The following CLUH variants were observed in gnomAD, a reference collection of about 807,000 sequenced individuals.
The protein encoded by CLUH is CLUH binding protein of NUMT mRNA.
Under a neutral mutation model 139.3 loss-of-function variants are expected in CLUH, and 77 were observed. The ratio of observed to expected loss-of-function variants is 0.55; its 90% CI spans 0.46 to 0.67. The LOEUF (loss-of-function observed/expected upper bound fraction) is 0.67, where lower values mean the gene tolerates loss of function less well. Among genes scored for constraint, CLUH ranks in the 30% least tolerant of loss-of-function variants. CLUH has a pLI of 0.00. For missense variants in CLUH, 1,876 were observed against 1,875.8 expected, an observed-to-expected ratio of 1.00 and a Z score of 0.00; for synonymous variants, 999 against 801.6, an observed-to-expected ratio of 1.25 and a Z score of -4.16.
Position 2,703,605 on chromosome 17 carries a change from C to T in CLUH, c.304-116G>A. 1 of 994,624 alleles carries T rather than the reference C, an allele frequency of 1.0e-6. No individual in the cohort carries two copies. Among genetic ancestry groups the T allele is most frequent in the Non-Finnish European group, 1.5e-6 (1 of 672,280 alleles). 61.6% of individuals were successfully genotyped at this position (994,624 alleles called of 1,614,324 possible). A position where few individuals can be genotyped will look rare whatever the true frequency, so the allele number is the denominator to read the frequency against. ...ACAGCAAGGACAATATCCCCTTGTC[C>T]CCAGCCCAAAGTACCTTGGTCCCCA... On this transcript the variant is annotated intron_variant, in intron 2 of 25. Transcript: ENST00000651024. This position sits in a 1 kb window ranked among gnomAD's most constrained non-coding sequence, Gnocchi z 4.2.
At chr17:2,695,861 G>T (rs1041843593) in intron 13 of CLUH, 34 of 547,996 alleles carry the variant, frequency 6.2e-5, no homozygotes, top group Non-Finnish European at 1.1e-4. Context: ...GAGCCTGCGG[G>T]AGGAGGAGGA....
chr17:2,698,417 G>T lies in CLUH; in HGVS notation c.1440C>A (p.Asp480Glu). Residue 480 changes from aspartate (D) to glutamate (E), a missense_variant, in exon 10 of 26, where the codon GAC becomes GAA. Coordinates refer to ENST00000651024, the MANE Select transcript of CLUH (RefSeq NM_001366661.1). ...TGGTGGGCGCCACGTAGGCCGCCAC[G>T]TCCCCCCCGAAGTCCTTGTAGTGGT... Reference protein sequence around the residue: ...VRDHYKDFGGDVAAYVAPTND... With the variant: ...VRDHYKDFGGEVAAYVAPTND... 1 of 1,613,306 alleles carries T rather than the reference G, an allele frequency of 6.2e-7. No individual in the cohort carries two copies. Among genetic ancestry groups the T allele is most frequent in the Non-Finnish European group, 8.5e-7 (1 of 1,179,806 alleles).
At chr17:2,694,717 C>T (rs2151699420) in intron 16 of CLUH, 140 bp downstream of exon 16, 8 of 1,361,454 alleles carry the variant, frequency 5.9e-6, no homozygotes, top group Non-Finnish European at 7.9e-6. Context: ...CCTCCAGCAC[C>T]CAGTGATCTC....
At position 2,690,665 on chromosome 17, in the gene CLUH, C is replaced by G. The variant is rs528743275; in HGVS notation, c.3976G>C (p.Ala1326Pro). Residue 1326 changes from alanine to proline, a missense_variant, in exon 26 of 26, where the codon GCG becomes CCG. This residue lies in a region of CLUH where 1,454 missense variants were observed against 1,384.4 expected (regional missense o/e 1.05). Transcript: ENST00000651024. ...GAGCCCAGGTCTCCTGGGGCCCCCG[C>G]TGGCGCGGGCTCGGTAGCCATGGGC... is the stretch of plus-strand genomic sequence containing the variant. The part of the protein sequence containing the change: ...EEPMATEPAP[A>P]GAPGDLGSQP... 1.9e-6 allele frequency: 3 copies of G among 1,547,824 alleles called. No homozygotes were observed. The highest frequency in any genetic ancestry group is 1.7e-6 in the Non-Finnish European group (2 of 1,154,174).
chr17:2,700,560 A>G, intron 8 of CLUH, 86 bp from the exon 9 acceptor site: 1 of 1,550,952 alleles, frequency 6.4e-7, no homozygotes, highest in Non-Finnish European at 8.7e-7. Flanking sequence ...CCTTCCTGAG[A>G]AGAGCCCCAG....
At chr17:2,709,754 G>A (rs1028442701) in intron 1 of CLUH, among the ~76,000 whole-genome samples, 3 of 152,168 alleles carry the variant, frequency 2.0e-5, no homozygotes, top group African/African-American at 7.2e-5. Context: ...CCTTGGTTCT[G>A]ATGCTCAGGT....
Position 2,703,535 on chromosome 17 carries a change from G to T in CLUH, c.304-46C>A, listed in dbSNP as rs747203767. The T allele has an allele frequency of 2.5e-6, 4 of 1,588,508 alleles. No homozygotes were observed. The highest frequency in any genetic ancestry group is 1.1e-5 in the South Asian group (1 of 89,380). On this transcript the variant is annotated intron_variant, in intron 2 of 25. Coordinates refer to ENST00000651024, the MANE Select transcript of CLUH (RefSeq NM_001366661.1). This position sits in a 1 kb window ranked among gnomAD's most constrained non-coding sequence, Gnocchi z 4.2. ...CCACCCCGGTGAGAGAGCACGTAGC[G>T]GGGAGAGAAGGCCCCAACCGCCCCG... is the stretch of plus-strand genomic sequence containing the variant.
chr17:2,705,488 C>T (rs141848675), intron 1 of CLUH, among the ~76,000 whole-genome samples: 92 of 152,156 alleles, frequency 6.0e-4, no homozygotes, highest in African/African-American at 2.0e-3. Flanking sequence ...GCCCTCCCAC[C>T]GCCCTCCCAC....
chr17:2,700,000 A>G lies in CLUH; in HGVS notation c.1266+382T>C, dbSNP rs565633172. The stretch of plus-strand genomic sequence containing the variant: ...AGTAACCCAGCACTAATAACTTTTA[A>G]ACCCCAGCAAACTAAAAGTGTTATG... On this transcript the variant is annotated intron_variant, in intron 9 of 25. Coordinates refer to ENST00000651024, the MANE Select transcript of CLUH (RefSeq NM_001366661.1). Among the ~76,000 whole-genome samples the G allele has an allele frequency of 7.9e-5, 12 of 152,298 alleles. No individual in the cohort carries two copies. In the East Asian group the frequency reaches 2.1e-3, roughly 27 times the overall value.
rs368274493 is a variant in CLUH at position 2,696,710 on chromosome 17, C to T, written c.2185+9G>A. On this transcript the variant is annotated intron_variant, in intron 11 of 25. Coordinates refer to ENST00000651024, the MANE Select transcript of CLUH (RefSeq NM_001366661.1). The stretch of plus-strand genomic sequence containing the variant: ...CGGGCTCTCTCCCGGCCATCTGCAG[C>T]AGCCCCACCTGTGCCGTCGTCTGCG... 27 of 1,610,886 alleles carry T rather than the reference C, an allele frequency of 1.7e-5. No individual in the cohort carries two copies. The East Asian group carries it at 2.5e-4, about 15-fold the overall frequency.
At chr17:2,699,872 C>T (rs1322124799) in intron 9 of CLUH, among the ~76,000 whole-genome samples, 5 of 151,528 alleles carry the variant, frequency 3.3e-5, no homozygotes, top group Non-Finnish European at 7.4e-5. Context: ...CCTTGTGATC[C>T]GCCCGCCTCG....
Position 2,695,414 on chromosome 17 carries a change from ACCAGCT to A in CLUH, c.2498_2503del (p.Glu833_Leu834del). The A allele has an allele frequency of 6.2e-7, 1 of 1,612,696 alleles. No individual in the cohort carries two copies. The highest frequency in any genetic ancestry group is 8.5e-7 in the Non-Finnish European group (1 of 1,179,754). ...CTGGTGGCGGGCCGGGCTCCGCAGC[ACCAGCT>A]CCAGCACCTTGCCCAGGTAGCGCAT... On this transcript the variant is annotated inframe_deletion, in exon 14 of 26. Transcript: ENST00000651024.
At position 2,697,989 on chromosome 17, in the gene CLUH, G is replaced by C. The variant is rs761691342; in HGVS notation, c.1868C>G (p.Pro623Arg). The C allele has an allele frequency of 5.0e-6, 8 of 1,593,846 alleles. No individual in the cohort carries two copies. In the African/African-American group the frequency reaches 9.4e-5, roughly 19 times the overall value. Residue 623 changes from proline to arginine, a missense_variant, in exon 10 of 26, where the codon CCT becomes CGT. Pro to Arg is a moderately radical substitution (Grantham distance 103, BLOSUM62 -2). This residue lies in a region of CLUH where 1,454 missense variants were observed against 1,384.4 expected (regional missense o/e 1.05). Transcript: ENST00000651024. ...NFLPVPGEEL[P>R]EECARAGFPR... ...GAAGCCGGCGCGGGCGCATTCCTCA[G>C]GCAGCTCCTCGCCAGGCACGGGCAG...
rs1042536612 is a variant in CLUH at position 2,703,148 on chromosome 17, T to C, written c.475+170A>G. ...GCCCACGGCTCTGTTCTTTAACCCA[T>C]GGGCCGTGAAGTTGGCAGATATAGG... On this transcript the variant is annotated intron_variant, in intron 3 of 25. Coordinates refer to ENST00000651024, the MANE Select transcript of CLUH (RefSeq NM_001366661.1). The surrounding 1 kb of genome is among the most constrained non-coding windows in gnomAD (Gnocchi z 4.2). 2.0e-5 allele frequency among the ~76,000 whole-genome samples: 3 copies of C among 152,210 alleles called. No homozygotes were observed. The highest frequency in any genetic ancestry group is 4.4e-5 in the Non-Finnish European group (3 of 68,032).
Position 2,704,388 on chromosome 17 carries a change from G to C in CLUH, c.277C>G (p.Pro93Ala), listed in dbSNP as rs544102456. Residue 93 changes from proline to alanine, a missense_variant, in exon 2 of 26, where the codon CCT (proline) becomes GCT (alanine). Around this residue, in one of 3 missense-constraint regions of CLUH, gnomAD observed 152 missense variants for 136.7 expected, o/e 1.11. Coordinates refer to ENST00000651024, the MANE Select transcript of CLUH (RefSeq NM_001366661.1). This position sits in a 1 kb window ranked among gnomAD's most constrained non-coding sequence, Gnocchi z 5.7. ...DTGFSVKILA[P>A]GIEPFSLQVS... ...TGCAGGGAGAAGGGCTCGATCCCAG[G>C]GGCGAGGATCTTCACAGAAAAGCCC... is the stretch of plus-strand genomic sequence containing the variant. The C allele has an allele frequency of 2.5e-6, 4 of 1,611,534 alleles. No homozygotes were observed. Among genetic ancestry groups the C allele is most frequent in the African/African-American group, 1.3e-5 (1 of 74,822 alleles).
At chr17:2,693,812 G>T in intron 19 of CLUH, 88 bp downstream of exon 19, 1 of 1,483,100 alleles carries the variant, frequency 6.7e-7, no homozygotes, top group South Asian at 1.3e-5. Context: ...GGTCTCCCTG[G>T]ACTCCACCCA....
chr17:2,698,347 C>T lies in CLUH; in HGVS notation c.1510G>A (p.Gly504Arg), dbSNP rs2070045930. ...ACCACCGTGCCCAGCGTGTACAGCC[C>T]CTCCACGTCCACCGCGTTGTACGTG... is the stretch of plus-strand genomic sequence containing the variant. ...VRTYNAVDVE[G>R]LYTLGTVVVD... Residue 504 changes from glycine (G) to arginine (R), a missense_variant, in exon 10 of 26, where the codon GGG becomes AGG. Around this residue, in one of 3 missense-constraint regions of CLUH, gnomAD observed 1,454 missense variants for 1,384.4 expected, o/e 1.05. Transcript: ENST00000651024. The T allele has an allele frequency of 6.2e-7, 1 of 1,613,076 alleles. No individual in the cohort carries two copies. The highest frequency in any genetic ancestry group is 1.3e-5 in the African/African-American group (1 of 74,912).
chr17:2,709,703 G>A (rs1476456923), intron 1 of CLUH, among the ~76,000 whole-genome samples: 1 of 152,142 alleles, frequency 6.6e-6, no homozygotes, highest in Non-Finnish European at 1.5e-5. Context: ...TTCCTAAGGG[G>A]GCTGAAGAGC....
Position 2,698,136 on chromosome 17 carries a change from A to C in CLUH, c.1721T>G (p.Leu574Arg). 1.9e-6 allele frequency: 3 copies of C among 1,587,616 alleles called. No individual in the cohort carries two copies. The highest frequency in any genetic ancestry group is 2.6e-6 in the Non-Finnish European group (3 of 1,168,312). The change falls in exon 10 of 26, where the codon CTC (leucine) becomes CGC (arginine). Residue 574 changes from leucine (L) to arginine (R), a missense_variant. Physicochemically the swap from Leu to Arg is moderately radical, Grantham distance 102. Around this residue, in one of 3 missense-constraint regions of CLUH, gnomAD observed 1,454 missense variants for 1,384.4 expected, o/e 1.05. Coordinates refer to ENST00000651024, the MANE Select transcript of CLUH (RefSeq NM_001366661.1). ...CTCCACCTCCTCGTCACGGTCGTTG[A>C]GCACCTGGTGCCGCAGGATCTTGAG... ...RPLKILRHQV[L>R]NDRDEEVELC...
Sources: allele counts gnomAD v4.1 joint callset (sites outside exome capture counted in the v4.1 genomes callset), GRCh38; gene constraint gnomAD v4.1.1; regional missense constraint gnomAD v4.1.1; non-coding constraint Gnocchi (gnomAD v3.1); transcripts MANE v1.5; gene names NCBI Gene and HGNC (gene_info 2026-07-23, HGNC 2026-07-21).